Variants in KCNS3 observed in about 807,000 individuals in gnomAD.
KCNS3 encodes the protein delayed-rectifier potassium channel regulatory subunit KCNS3.
In KCNS3, 13 loss-of-function variants were observed where a neutral mutation model predicts 31.0. The ratio of observed to expected loss-of-function variants is 0.42; its 90% CI spans 0.27 to 0.67. The LOEUF (loss-of-function observed/expected upper bound fraction) is 0.67. Ranked by LOEUF, KCNS3 falls within the 30% of genes least tolerant of loss-of-function variation. The probability of loss-of-function intolerance (pLI) is 0.25; values close to 1 mark genes in which losing one functional copy is unlikely to be tolerated. For synonymous variants in KCNS3, 238 were observed against 241.5 expected, an observed-to-expected ratio of 0.99 and a Z score of 0.13; for missense variants, 545 against 622.4, an observed-to-expected ratio of 0.88 and a Z score of 1.32.
intron 1 of KCNS3, among the ~76,000 whole-genome samples, chr2:17,900,626 A>C (rs1662151909): frequency 6.6e-6 from 1 of 152,068 alleles, no homozygotes; most frequent in Admixed American, 6.6e-5. Flanking sequence ...AATAGCTGGG[A>C]CTACAGGCGT....
At chr2:17,891,881 G>GGACCTGTTGACAGT (rs1661864839) in intron 1 of KCNS3, among the ~76,000 whole-genome samples, 2 of 152,042 alleles carry the variant, frequency 1.3e-5, no homozygotes, top group Non-Finnish European at 2.9e-5. Context: ...CTCAGCTTTG[G>GGACCTGTTGACAGT]GTAACCTGTT....
At chr2:17,908,893 G>T (rs942153368) in intron 1 of KCNS3, among the ~76,000 whole-genome samples, 3 of 152,226 alleles carry the variant, frequency 2.0e-5, no homozygotes, top group African/African-American at 7.2e-5. Context: ...TCCCAGATAG[G>T]CTGCTCGGGG....
At position 17,932,199 on chromosome 2, in the gene KCNS3, G is replaced by C. The variant is rs758979123; in HGVS notation, c.1191G>C (p.Val397=). 3.3e-5 allele frequency: 53 copies of C among 1,613,912 alleles called. No homozygotes were observed. Among genetic ancestry groups the C allele is most frequent in the Non-Finnish European group, 4.5e-5 (53 of 1,179,992 alleles). The stretch of plus-strand genomic sequence containing the variant: ...CATGCATCATCTGTGGCATCTTGGT[G>C]GTGGCCCTTCCCATCACCATCATCT... ...ASTCIICGIL[V]VALPITIIFN... The change falls in exon 3 of 3, where the codon GTG becomes GTC. Residue 397 remains valine, a synonymous_variant. Transcript: ENST00000304101.
At chr2:17,896,637 A>C (rs914306532) in intron 1 of KCNS3, among the ~76,000 whole-genome samples, 3 of 151,958 alleles carry the variant, frequency 2.0e-5, no homozygotes, top group African/African-American at 7.3e-5. Context: ...CCTTTGGGTA[A>C]TTATACTGCA....
chr2:17,906,429 T>C (rs899998391), intron 1 of KCNS3, among the ~76,000 whole-genome samples: 1 of 152,232 alleles, frequency 6.6e-6, no homozygotes, highest in Non-Finnish European at 1.5e-5. Flanking sequence ...ATTCATTGAT[T>C]TTTTGAAGGG....
chr2:17,891,360 C>T (rs1053172658), intron 1 of KCNS3, among the ~76,000 whole-genome samples: 3 of 152,110 alleles, frequency 2.0e-5, no homozygotes, highest in Non-Finnish European at 2.9e-5. Context: ...ATTCAGTTTG[C>T]AGTTCTGTAT....
At chr2:17,924,517 G>A (rs1478882860) in intron 2 of KCNS3, among the ~76,000 whole-genome samples, 1 of 151,898 alleles carries the variant, frequency 6.6e-6, no homozygotes, top group East Asian at 1.9e-4. Context: ...TTATCAAATT[G>A]GAGAAATTCT....
chr2:17,883,438 C>T (rs1422744265), intron 1 of KCNS3, among the ~76,000 whole-genome samples: 1 of 151,874 alleles, frequency 6.6e-6, no homozygotes, highest in East Asian at 1.9e-4. Context: ...GGGAGACAGG[C>T]ATTAAACAAA....
Position 17,888,642 on chromosome 2 carries a change from T to C in KCNS3, c.-252+9836T>C, listed in dbSNP as rs1439437157. 3.3e-3 allele frequency among the ~76,000 whole-genome samples: 280 copies of C among 84,238 alleles called. 4 individuals are homozygous for C. The highest frequency in any genetic ancestry group is 4.6e-3 in the Admixed American group (42 of 9,084). The allele number at this position is 84,238 out of a possible 152,430, so 55.3% of individuals were successfully genotyped here. A position where few individuals can be genotyped will look rare whatever the true frequency, so the allele number is the denominator to read the frequency against. On this transcript the variant is annotated intron_variant, in intron 1 of 2. Transcript: ENST00000304101. ...AATAAAAAAAATGTATATATATATA[T>C]ATATATATATATATATATATATATA...
intron 1 of KCNS3, among the ~76,000 whole-genome samples, chr2:17,889,562 G>A (rs746388720): frequency 2.0e-5 from 3 of 152,084 alleles, no homozygotes; most frequent in Admixed American, 1.3e-4. Flanking sequence ...TTGGCTGTGG[G>A]TTTGTCATAG....
chr2:17,924,333 G>A (rs955095836), intron 2 of KCNS3, among the ~76,000 whole-genome samples: 1 of 151,740 alleles, frequency 6.6e-6, no homozygotes, highest in African/African-American at 2.4e-5. Flanking sequence ...TTTTCAGTCT[G>A]GATGCATTTT....
chr2:17,884,205 T>C (rs1479946751), intron 1 of KCNS3, among the ~76,000 whole-genome samples: 2 of 145,182 alleles, frequency 1.4e-5, no homozygotes, highest in African/African-American at 5.1e-5. Flanking sequence ...TGTATACATA[T>C]GTAACAAACC....
At chr2:17,887,702 G>C (rs896988274) in intron 1 of KCNS3, among the ~76,000 whole-genome samples, 1 of 152,166 alleles carries the variant, frequency 6.6e-6, no homozygotes, top group Non-Finnish European at 1.5e-5. Flanking sequence ...TAGTGAGATT[G>C]CTGGATCAAA....
intron 1 of KCNS3, chr2:17,879,406 T>G (rs562905018): frequency 2.6e-5 from 4 of 152,398 alleles, no homozygotes; most frequent in Non-Finnish European, 5.9e-5. Context: ...CCCAGGGCCC[T>G]TGCTCTCGTG....
intron 1 of KCNS3, among the ~76,000 whole-genome samples, chr2:17,894,458 A>G (rs1661974089): frequency 6.6e-6 from 1 of 152,230 alleles, no homozygotes; most frequent in Non-Finnish European, 1.5e-5. Flanking sequence ...TTTTTTGTGT[A>G]ACAGACAATA....
At chr2:17,880,433 C>G (rs1258467177) in intron 1 of KCNS3, among the ~76,000 whole-genome samples, 1 of 152,204 alleles carries the variant, frequency 6.6e-6, no homozygotes, top group Non-Finnish European at 1.5e-5. Flanking sequence ...ACCAGCTTCC[C>G]TTCTTCTCTT....
chr2:17,907,511 G>A (rs1259084843), intron 1 of KCNS3, among the ~76,000 whole-genome samples: 3 of 152,156 alleles, frequency 2.0e-5, no homozygotes, highest in Non-Finnish European at 4.4e-5. Context: ...TATGATGTTA[G>A]CTGGTTATTT....
At chr2:17,878,482 C>T (rs1436095806), upstream of KCNS3, among the ~76,000 whole-genome samples, 3 of 151,804 alleles carry the variant, frequency 2.0e-5, no homozygotes, top group East Asian at 5.9e-4. Context: ...GCGGTCGGAG[C>T]CCCGCAGTCC....
At chr2:17,910,362 G>A (rs1662441955) in intron 1 of KCNS3, among the ~76,000 whole-genome samples, 1 of 152,116 alleles carries the variant, frequency 6.6e-6, no homozygotes, top group Non-Finnish European at 1.5e-5. Flanking sequence ...TTTAATGGAA[G>A]GAATTGCTAA....
Sources: allele counts gnomAD v4.1 joint callset (sites outside exome capture counted in the v4.1 genomes callset), GRCh38; gene constraint gnomAD v4.1.1; transcripts MANE v1.5; gene names NCBI Gene and HGNC (gene_info 2026-07-23, HGNC 2026-07-21).